RNLS: variants seen among roughly 807,000 people sequenced by gnomAD.
RNLS encodes the protein renalase.
Under a neutral mutation model 39.8 loss-of-function variants are expected in RNLS, and 39 were observed. That is an observed-to-expected ratio of 0.98 (90% CI 0.76 to 1.28). RNLS has a LOEUF of 1.28. RNLS is among the 50% of genes most tolerant of loss of function. The pLI is 0.00. For missense variants in RNLS, 410 were observed against 413.3 expected (o/e 0.99, Z 0.07); for synonymous variants, 147 against 150.7 (o/e 0.98, Z 0.18).
rs747317144 is a variant in RNLS at position 88,572,931 on chromosome 10, A to T, written c.498T>A (p.Ile166=). ...LIVLTMPVPE[I]LQLQGDITTL... is the part of the protein sequence containing the mutation. ...TGGTGATGTCACCTTGAAGCTGCAG[A>T]ATCTCAGGAACTGGCATTGTGAGAA... The change falls in exon 4 of 7, where the codon ATT becomes ATA. Residue 166 remains isoleucine (I), a synonymous_variant. Transcript: ENST00000331772. 1 of 1,613,974 alleles carries T rather than the reference A, an allele frequency of 6.2e-7. No homozygotes were observed. Among genetic ancestry groups the T allele is most frequent in the South Asian group, 1.1e-5 (1 of 91,064 alleles).
rs1843179305 is a variant in RNLS at position 88,285,177 on chromosome 10, A to G, written c.*177T>C. On this transcript the variant is annotated 3_prime_UTR_variant, in exon 7 of 7. Coordinates refer to ENST00000331772, the MANE Select transcript of RNLS (RefSeq NM_001031709.3). ...AGGTGTGAGGAATTTCCATTCTAGC[A>G]TGGGTTGTAACTATCAAAATTACAA... 1.5e-6 allele frequency: 2 copies of G among 1,308,000 alleles called. No individual in the cohort carries two copies. The highest frequency in any genetic ancestry group is 2.9e-5 in the East Asian group (1 of 34,636). The allele number at this position is 1,308,000 out of a possible 1,614,324, so 81.0% of individuals were successfully genotyped here.
At chr10:88,483,508 C>T (rs181816529) in intron 4 of RNLS, among the ~76,000 whole-genome samples, 23 of 152,246 alleles carry the variant, frequency 1.5e-4, no homozygotes, top group Non-Finnish European at 1.8e-4. Context: ...CAATTGATGG[C>T]TACTAATTTT....
At chr10:88,485,009 T>C (rs1460030826) in intron 4 of RNLS, among the ~76,000 whole-genome samples, 1 of 151,942 alleles carries the variant, frequency 6.6e-6, no homozygotes, top group Non-Finnish European at 1.5e-5. Context: ...TTTTCATAAG[T>C]CAGAAGGCTC....
intron 4 of RNLS, among the ~76,000 whole-genome samples, chr10:88,539,510 G>GT (rs1847938183): frequency 6.6e-6 from 1 of 152,092 alleles, no homozygotes. Flanking sequence ...GAGGCTCCCA[G>GT]TTTGGCCTAT....
chr10:88,356,911 T>A (rs1366036097), intron 5 of RNLS, among the ~76,000 whole-genome samples: 2 of 152,180 alleles, frequency 1.3e-5, no homozygotes, highest in Non-Finnish European at 2.9e-5. Context: ...TTATTGATCA[T>A]TAACACTCCT....
chr10:88,395,246 A>T (rs1282354037), intron 4 of RNLS, among the ~76,000 whole-genome samples: 2 of 151,490 alleles, frequency 1.3e-5, no homozygotes, highest in Non-Finnish European at 2.9e-5. Flanking sequence ...GAAAAAAAAA[A>T]AAAACCTCTC....
chr10:88,532,061 G>T (rs1847457730), intron 4 of RNLS, among the ~76,000 whole-genome samples: 1 of 152,056 alleles, frequency 6.6e-6, no homozygotes, highest in Admixed American at 6.6e-5. Flanking sequence ...GCTTTTGAAA[G>T]AATTAGGTCA....
chr10:88,266,040 G>A, the RNLS span, among the ~76,000 whole-genome samples: 1 of 152,198 alleles, frequency 6.6e-6, no homozygotes, highest in African/African-American at 2.4e-5. Flanking sequence ...AGAAGTGACT[G>A]TAATTTCCTG....
At chr10:88,269,246 G>T (rs528754007), downstream of RNLS, among the ~76,000 whole-genome samples, 12 of 152,144 alleles carry the variant, frequency 7.9e-5, no homozygotes, top group Non-Finnish European at 1.8e-4. Flanking sequence ...ACAGGGCCCT[G>T]GTTTGGCATT....
intron 6 of RNLS, among the ~76,000 whole-genome samples, chr10:88,314,239 A>C (rs1564685391): frequency 1.3e-5 from 2 of 152,182 alleles, no homozygotes; most frequent in Non-Finnish European, 2.9e-5. Context: ...GAGATGCTTG[A>C]ATTTGAAGAC....
chr10:88,327,035 C>A (rs956679578), intron 5 of RNLS, among the ~76,000 whole-genome samples: 2 of 152,180 alleles, frequency 1.3e-5, no homozygotes, highest in Non-Finnish European at 1.5e-5. Context: ...AGCATTTATC[C>A]AATGCCTATA....
At chr10:88,225,437 G>C in the RNLS span, among the ~76,000 whole-genome samples, 1 of 152,216 alleles carries the variant, frequency 6.6e-6, no homozygotes, top group East Asian at 1.9e-4. Flanking sequence ...ACTGGGAGCT[G>C]GGTGCGGTAG....
the RNLS span, among the ~76,000 whole-genome samples, chr10:88,222,385 T>C: frequency 1.3e-5 from 2 of 152,172 alleles, no homozygotes; most frequent in Non-Finnish European, 2.9e-5. Context: ...ATAAACTCCT[T>C]GGAGTCTGGG....
intron 4 of RNLS, among the ~76,000 whole-genome samples, chr10:88,410,414 GA>G (rs1346329936): frequency 3.3e-5 from 5 of 152,016 alleles, no homozygotes; most frequent in African/African-American, 1.2e-4. Context: ...AAGCCCCAAA[GA>G]GTTAAATTTA....
the RNLS span, among the ~76,000 whole-genome samples, chr10:88,260,265 G>A: frequency 6.6e-6 from 1 of 152,220 alleles, no homozygotes. Context: ...CCCTGTGGCA[G>A]TATTCTGATT....
chr10:88,275,824 G>A (rs1233615952), intron 6 of RNLS, among the ~76,000 whole-genome samples: 2 of 152,092 alleles, frequency 1.3e-5, no homozygotes, highest in Non-Finnish European at 2.9e-5. Context: ...GGAGGCTGAG[G>A]CAAGAAGATC....
At chr10:88,275,056 CA>C in intron 6 of RNLS, 1 of 1,584,622 alleles carries the variant, frequency 6.3e-7, no homozygotes, top group Non-Finnish European at 8.7e-7. Flanking sequence ...GAATATCCTT[CA>C]ACCCCAGTGC....
the RNLS span, among the ~76,000 whole-genome samples, chr10:88,265,256 G>A: frequency 1.3e-5 from 2 of 150,050 alleles, no homozygotes; most frequent in South Asian, 4.2e-4. Context: ...ATAGTTTGAA[G>A]TCAGGCAATG....
chr10:88,257,843 C>T, the RNLS span, among the ~76,000 whole-genome samples: 1 of 152,212 alleles, frequency 6.6e-6, no homozygotes, highest in Non-Finnish European at 1.5e-5. Flanking sequence ...CAATCCATGA[C>T]TATAAATGAC....
Sources: allele counts gnomAD v4.1 joint callset (sites outside exome capture counted in the v4.1 genomes callset), GRCh38; gene constraint gnomAD v4.1.1; transcripts MANE v1.5; gene names NCBI Gene and HGNC (gene_info 2026-07-23, HGNC 2026-07-21).